The following TTC12 variants were observed in gnomAD, a reference collection of about 807,000 sequenced individuals.
TTC12 encodes the protein tetratricopeptide repeat domain 12.
A neutral mutation model predicts 90.1 loss-of-function variants in TTC12; 70 were observed. That is an observed-to-expected ratio of 0.78 (90% CI 0.64 to 0.95). TTC12 has a LOEUF of 0.95. TTC12 is among the 40% of genes least tolerant of loss of function. TTC12 has a pLI of 0.00. For synonymous variants in TTC12, 296 were observed against 311.5 expected, an observed-to-expected ratio of 0.95 and a Z score of 0.53; for missense variants, 819 against 846.1, an observed-to-expected ratio of 0.97 and a Z score of 0.40.
At chr11:113,360,077 T>TTGTTTTGTTTTGTTTTG in intron 18 of TTC12, 69 bp downstream of exon 18, 1 of 1,177,576 alleles carries the variant, frequency 8.5e-7, no homozygotes. Flanking sequence ...TTGTTTTGTT[T>TTGTTTTGTTTTGTTTTG]TATTATCAGT....
chr11:113,369,671 G>A (rs1950330468), downstream of TTC12, among the ~76,000 whole-genome samples: 1 of 152,164 alleles, frequency 6.6e-6, no homozygotes, highest in South Asian at 2.1e-4. Context: ...TCCTTACTAA[G>A]TGTGACCTGC....
At position 113,363,923 on chromosome 11, in the gene TTC12, T is replaced by C. The variant is rs758350699; in HGVS notation, c.1812T>C (p.Asp604=). The part of the protein sequence containing the change: ...HEAREEVIRL[D]KKLSVMMKLL... ...CTCGGGAAGAAGTAATAAGACTGGA[T>C]AAAAGTAAGTGATGATTTCCTTAAG... Residue 604 remains aspartate, a synonymous_variant, in exon 20 of 22, where the codon GAT becomes GAC. Transcript: ENST00000529221. The C allele has an allele frequency of 3.1e-6, 5 of 1,607,864 alleles. No individual in the cohort carries two copies. Among genetic ancestry groups the C allele is most frequent in the Non-Finnish European group, 3.4e-6 (4 of 1,174,404 alleles).
In TTC12 at chr11:113,332,447, G is replaced by A. The variant is rs144151411; in HGVS notation, c.504+2468G>A. On this transcript the variant is annotated intron_variant, in intron 7 of 21. Transcript: ENST00000529221. The stretch of plus-strand genomic sequence containing the variant: ...GGTTTCCCCCGCCTGCTGTAACCCC[G>A]GTGCTCTGCCAGTGAATGCACTGTG... 2.2e-3 allele frequency among the ~76,000 whole-genome samples: 338 copies of A among 152,286 alleles called. 2 individuals carry two copies. The Middle Eastern group carries it at 0.037, about 17-fold the overall frequency.
At chr11:113,327,452 G>A (rs2137942428) in intron 6 of TTC12, among the ~76,000 whole-genome samples, 1 of 152,264 alleles carries the variant, frequency 6.6e-6, no homozygotes, top group Middle Eastern at 3.4e-3. Context: ...TTGCTAGAGA[G>A]AAAACCTAAC....
intron 13 of TTC12, among the ~76,000 whole-genome samples, chr11:113,347,713 C>T (rs1188216168): frequency 6.6e-6 from 1 of 152,156 alleles, no homozygotes; most frequent in African/African-American, 2.4e-5. Flanking sequence ...TTACCTCCAT[C>T]ATTCCTTTGA....
At chr11:113,359,058 C>G (rs1490775215) in intron 16 of TTC12, among the ~76,000 whole-genome samples, 1 of 151,816 alleles carries the variant, frequency 6.6e-6, no homozygotes, top group Non-Finnish European at 1.5e-5. Context: ...CTTGCCTGAT[C>G]CTGATTTGAA....
At chr11:113,368,353 C>A, downstream of TTC12, 1 of 1,547,500 alleles carries the variant, frequency 6.5e-7, no homozygotes, top group Non-Finnish European at 8.7e-7. Flanking sequence ...ACACATGCTA[C>A]CATGCAGACC....
chr11:113,357,707 A>G (rs921123229), intron 16 of TTC12, among the ~76,000 whole-genome samples: 2 of 152,124 alleles, frequency 1.3e-5, no homozygotes, highest in African/African-American at 2.4e-5. Flanking sequence ...GTCAATATTC[A>G]GCTCCCAACT....
chr11:113,345,016 AT>A (rs1336725422), intron 13 of TTC12, among the ~76,000 whole-genome samples: 1 of 152,116 alleles, frequency 6.6e-6, no homozygotes, highest in African/African-American at 2.4e-5. Context: ...TTATTAGTTT[AT>A]TTTTTAAATC....
At chr11:113,357,008 T>G (rs1949671407) in intron 16 of TTC12, among the ~76,000 whole-genome samples, 1 of 152,230 alleles carries the variant, frequency 6.6e-6, no homozygotes, top group Non-Finnish European at 1.5e-5. Flanking sequence ...GATGATATCC[T>G]GAAATATGTT....
chr11:113,326,962 G>A (rs1489616767), intron 6 of TTC12, among the ~76,000 whole-genome samples: 1 of 152,150 alleles, frequency 6.6e-6, no homozygotes, highest in Non-Finnish European at 1.5e-5. Flanking sequence ...TCACTTAAAT[G>A]CAAGCAATTA....
At position 113,351,247 on chromosome 11, in the gene TTC12, T is replaced by C. The variant is rs782589634; in HGVS notation, c.1256T>C (p.Val419Ala). ...TGATGGTTTCTCAACAGATTCCAAG[T>C]CTGGTTCCAGGCCAACCTTCCAGGT... is the stretch of plus-strand genomic sequence containing the variant. Reference protein sequence around the residue: ...TDLALEERFQVWFQANLPGVL... With the variant: ...TDLALEERFQAWFQANLPGVL... The change falls in exon 15 of 22, where the codon GTC becomes GCC. Residue 419 changes from valine (V) to alanine (A), a missense_variant. Transcript: ENST00000529221. The C allele has an allele frequency of 2.5e-6, 4 of 1,614,006 alleles. No homozygotes were observed. Among genetic ancestry groups the C allele is most frequent in the Non-Finnish European group, 3.4e-6 (4 of 1,179,960 alleles).
At chr11:113,369,708 C>A (rs1950331594), downstream of TTC12, among the ~76,000 whole-genome samples, 1 of 152,082 alleles carries the variant, frequency 6.6e-6, no homozygotes, top group Non-Finnish European at 1.5e-5. Flanking sequence ...TTCTCAGAGC[C>A]CCAGTTTCCT....
rs540885768 is a variant in TTC12 at position 113,347,690 on chromosome 11, T to G, written c.1155-2383T>G. On this transcript the variant is annotated intron_variant, in intron 13 of 21. Coordinates refer to ENST00000529221, the MANE Select transcript of TTC12 (RefSeq NM_017868.4). ...TCTGAAAATACTGATATATTCCAGGTTAAGCATCCTTGTTACCTCCATCAT... is the reference window on the plus strand; with the variant it reads ...TCTGAAAATACTGATATATTCCAGGGTAAGCATCCTTGTTACCTCCATCAT... Among the ~76,000 whole-genome samples, 8 of 152,308 alleles carry G rather than the reference T, an allele frequency of 5.3e-5. No homozygotes were observed. In the East Asian group the frequency reaches 1.5e-3, roughly 29 times the overall value.
intron 13 of TTC12, among the ~76,000 whole-genome samples, chr11:113,348,844 G>C (rs1361717064): frequency 6.6e-6 from 1 of 152,206 alleles, no homozygotes; most frequent in Non-Finnish European, 1.5e-5. Context: ...AGGCCCCCAG[G>C]ATCTGGGCTC....
chr11:113,315,713 A>G (rs1379620632), intron 1 of TTC12, among the ~76,000 whole-genome samples: 1 of 152,232 alleles, frequency 6.6e-6, no homozygotes, highest in African/African-American at 2.4e-5. Flanking sequence ...GCATGGTAAC[A>G]TTATGTTCTA....
downstream of TTC12, among the ~76,000 whole-genome samples, chr11:113,367,013 T>C (rs1341396250): frequency 3.9e-5 from 6 of 152,248 alleles, no homozygotes; most frequent in Admixed American, 3.3e-4. Flanking sequence ...CCCTGACTGA[T>C]GCAAATGTGT....
rs147507355 is a variant in TTC12, at chr11:113,359,036, C to G, written c.1447-327C>G. ...TGGGAGCTGTTCCACCTGGCTGTATCTAGTTAGCCATCTTGCCTGATCCTG... is the reference window on the plus strand; with the variant it reads ...TGGGAGCTGTTCCACCTGGCTGTATGTAGTTAGCCATCTTGCCTGATCCTG... On this transcript the variant is annotated intron_variant, in intron 16 of 21. Transcript: ENST00000529221. 2.9e-4 allele frequency among the ~76,000 whole-genome samples: 44 copies of G among 152,006 alleles called. 1 individual carries two copies. Among genetic ancestry groups the G allele is most frequent in the Admixed American group, 7.9e-4 (12 of 15,274 alleles).
rs762117005 is a variant in TTC12 at position 113,364,987 on chromosome 11, A to G, written c.1969A>G (p.Ser657Gly). ...LLQVLLKLAG[S>G]DTQKTAVQVN... ...GCAGGTCTTGTTAAAGCTTGCAGGCAGTGACACACAGAAGACGGCCGTGCA... is the reference window on the plus strand; with the variant it reads ...GCAGGTCTTGTTAAAGCTTGCAGGCGGTGACACACAGAAGACGGCCGTGCA... The change falls in exon 21 of 22, where the codon AGT (serine) becomes GGT (glycine). Residue 657 changes from serine (S) to glycine (G), a missense_variant. By Grantham distance (56) the Ser-to-Gly change is moderately conservative (BLOSUM62 0). Coordinates refer to ENST00000529221, the MANE Select transcript of TTC12 (RefSeq NM_017868.4). The G allele has an allele frequency of 1.9e-6, 3 of 1,614,044 alleles. No homozygotes were observed. The highest frequency in any genetic ancestry group is 1.3e-5 in the African/African-American group (1 of 74,908).
Sources: allele counts gnomAD v4.1 joint callset (sites outside exome capture counted in the v4.1 genomes callset), GRCh38; gene constraint gnomAD v4.1.1; transcripts MANE v1.5; gene names NCBI Gene and HGNC (gene_info 2026-07-23, HGNC 2026-07-21).